Variants in SHPK observed in about 807,000 individuals in gnomAD.
SHPK encodes sedoheptulokinase, also known as carbohydrate kinase-like protein.
A neutral mutation model predicts 46.3 loss-of-function variants in SHPK; 51 were observed. The ratio of observed to expected loss-of-function variants is 1.10; its 90% CI spans 0.88 to 1.39. The LOEUF is 1.39. Ranked by LOEUF, SHPK falls within the 40% of genes most tolerant of loss-of-function variation. The pLI is 0.00. For synonymous variants in SHPK, 290 were observed against 273.9 expected (o/e 1.06, Z -0.58); for missense variants, 668 against 641.3 (o/e 1.04, Z -0.45).
chr17:3,619,274 T>C, intron 5 of SHPK: 1 of 777,330 alleles, frequency 1.3e-6, no homozygotes, highest in East Asian at 3.0e-5. Flanking sequence ...AAGCTGCTTT[T>C]TCAATAAACG....
intron 5 of SHPK, 104 bp downstream of exon 5, chr17:3,621,133 G>T: frequency 1.1e-6 from 1 of 942,048 alleles, no homozygotes; most frequent in Non-Finnish European, 1.5e-6. Context: ...CCAGCAGGAT[G>T]CCAAGACTGC....
intron 1 of SHPK, among the ~76,000 whole-genome samples, chr17:3,634,336 G>A (rs1299342175): frequency 1.3e-5 from 2 of 151,374 alleles, no homozygotes; most frequent in Non-Finnish European, 2.9e-5. Flanking sequence ...TTGGGAAACC[G>A]AGGCAGGCAG....
chr17:3,612,496 G>A (rs909919343), intron 6 of SHPK, among the ~76,000 whole-genome samples: 17 of 150,988 alleles, frequency 1.1e-4, no homozygotes, highest in Admixed American at 9.9e-4. Context: ...CTATAACCTC[G>A]CATGACCTGA....
At chr17:3,633,829 G>T (rs1335396801) in intron 1 of SHPK, among the ~76,000 whole-genome samples, 2 of 152,136 alleles carry the variant, frequency 1.3e-5, no homozygotes, top group African/African-American at 4.8e-5. Flanking sequence ...ATAGAAAAGG[G>T]GGAAAGGTGG....
In SHPK at chr17:3,618,458, T is replaced by G. The variant is rs145031442; in HGVS notation, c.823+2779A>C. Among the ~76,000 whole-genome samples the G allele has an allele frequency of 4.1e-4, 62 of 152,316 alleles. No individual in the cohort carries two copies. In the East Asian group the frequency reaches 0.012, roughly 29 times the overall value. ...TTCTTCTATCCAACATTCAATCCTT[T>G]TTTAGCTATGTGTATATACCACATT... On this transcript the variant is annotated intron_variant, in intron 5 of 6. Transcript: ENST00000225519.
chr17:3,635,306 A>G (rs2075510480), intron 1 of SHPK, among the ~76,000 whole-genome samples: 2 of 150,110 alleles, frequency 1.3e-5, no homozygotes, highest in African/African-American at 4.9e-5. Flanking sequence ...AGCGATCTCG[A>G]CTCACTGCAA....
Position 3,609,350 on chromosome 17 carries a change from A to AGAGAGAGAGAGAGAGAGAGAGAG in SHPK, c.*1209_*1210insCTCTCTCTCTCTCTCTCTCTCTC, listed in dbSNP as rs2075322326. 6.7e-6 allele frequency: 1 copy of AGAGAGAGAGAGAGAGAGAGAGAG among 148,736 alleles called. No homozygotes were observed. The highest frequency in any genetic ancestry group is 2.5e-5 in the African/African-American group (1 of 40,714). The allele number at this position is 148,736 out of a possible 1,614,324, so 9.2% of individuals were successfully genotyped here. A position where few individuals can be genotyped will look rare whatever the true frequency, so the allele number is the denominator to read the frequency against. On this transcript the variant is annotated 3_prime_UTR_variant, in exon 7 of 7. Coordinates refer to ENST00000225519, the MANE Select transcript of SHPK (RefSeq NM_013276.4). ...GAGAGAGAGAGAGAGAGAGAGAGAG[A>AGAGAGAGAGAGAGAGAGAGAGAG]ATACGACTGCTTCCCAAACTCGTGG...
intron 1 of SHPK, among the ~76,000 whole-genome samples, chr17:3,634,131 G>GGAAGGCC: frequency 6.7e-6 from 1 of 149,066 alleles, no homozygotes; most frequent in East Asian, 2.0e-4. Flanking sequence ...CAAACACTGC[G>GGAAGGCC]GAAGGCCGCA....
chr17:3,629,096 C>T (rs984034270), intron 2 of SHPK, among the ~76,000 whole-genome samples: 2 of 152,104 alleles, frequency 1.3e-5, no homozygotes, highest in Non-Finnish European at 2.9e-5. Context: ...AACAACCCTG[C>T]CAGGCCTTTA....
At chr17:3,632,327 T>C (rs1052391055) in intron 1 of SHPK, among the ~76,000 whole-genome samples, 4 of 152,196 alleles carry the variant, frequency 2.6e-5, no homozygotes, top group Non-Finnish European at 5.9e-5. Flanking sequence ...CTCACGCCTA[T>C]AATCGCAGCC....
intron 4 of SHPK, among the ~76,000 whole-genome samples, chr17:3,621,632 C>CCTTA (rs1438879580): frequency 4.6e-5 from 6 of 130,962 alleles, no homozygotes; most frequent in African/African-American, 1.4e-4. Context: ...TTCCTTCCTT[C>CCTTA]CTTCCTTCTT....
At chr17:3,611,138 T>C (rs551761686) in intron 6 of SHPK, among the ~76,000 whole-genome samples, 166 bp from the exon 7 acceptor site, 3 of 152,274 alleles carry the variant, frequency 2.0e-5, no homozygotes, top group South Asian at 4.1e-4. Context: ...CTAGCTACAC[T>C]CTGCCCTGGA....
rs1434527204 is a variant in SHPK, at chr17:3,609,544, T to C, written c.*1016A>G. The C allele has an allele frequency of 6.6e-6, 1 of 152,094 alleles. No homozygotes were observed. The highest frequency in any genetic ancestry group is 2.4e-5 in the African/African-American group (1 of 41,402). 9.4% of individuals were successfully genotyped at this position (152,094 alleles called of 1,614,324 possible). On this transcript the variant is annotated 3_prime_UTR_variant, in exon 7 of 7. Transcript: ENST00000225519. ...ATCCCTACAGGGATGCCAACTCAAA[T>C]GGATGTTTCTGCTGAGCCAGGAGCA...
intron 1 of SHPK, among the ~76,000 whole-genome samples, chr17:3,632,504 GT>G (rs1449122536): frequency 6.6e-6 from 1 of 152,176 alleles, no homozygotes; most frequent in Non-Finnish European, 1.5e-5. Flanking sequence ...CGTGAGTTGT[GT>G]GGGGGGAGAC....
chr17:3,632,379 TTGAGACCAGCC>T (rs1255205134), intron 1 of SHPK, among the ~76,000 whole-genome samples: 1 of 152,218 alleles, frequency 6.6e-6, no homozygotes, highest in East Asian at 1.9e-4. Context: ...TCCCAGAACT[TTGAGACCAGCC>T]TGAGACCAGC....
chr17:3,623,283 G>C (rs776042127), intron 4 of SHPK, 56 bp downstream of exon 4: 48 of 1,596,244 alleles, frequency 3.0e-5, no homozygotes, highest in Middle Eastern at 1.9e-4. Flanking sequence ...CACTGGCTCC[G>C]GGGTTGCCCT....
chr17:3,614,881 A>C (rs2075362945), intron 6 of SHPK, among the ~76,000 whole-genome samples: 1 of 152,014 alleles, frequency 6.6e-6, no homozygotes, highest in Non-Finnish European at 1.5e-5. Context: ...AGAAGAAGAA[A>C]AGCCTGCATC....
chr17:3,611,352 T>A (rs1207839422), intron 6 of SHPK, among the ~76,000 whole-genome samples: 1 of 152,218 alleles, frequency 6.6e-6, no homozygotes, highest in Non-Finnish European at 1.5e-5. Context: ...GCAGATCACC[T>A]GAGGTCAGGA....
chr17:3,620,334 C>T (rs2075392711), intron 5 of SHPK, among the ~76,000 whole-genome samples: 1 of 151,870 alleles, frequency 6.6e-6, no homozygotes. Context: ...GATCTCGGCT[C>T]ACTGCAAGCT....
Sources: gnomAD v4.1 joint callset for allele counts (sites outside exome capture counted in the v4.1 genomes callset) on GRCh38, gnomAD v4.1.1 for gene constraint, MANE v1.5 for transcripts, NCBI Gene and HGNC (gene_info 2026-07-23, HGNC 2026-07-21) for gene names.